Variants in PHLDB2 observed in about 807,000 individuals in gnomAD.
PHLDB2 encodes pleckstrin homology-like domain family B member 2.
PHLDB2 carries 71 observed loss-of-function variants against 123.6 expected under a neutral mutation model. That is an observed-to-expected ratio of 0.57 (90% CI 0.47 to 0.70). The LOEUF is 0.70. Among genes scored for constraint, PHLDB2 ranks in the 30% least tolerant of loss-of-function variants. The pLI is 0.00. For missense variants in PHLDB2, 1,446 were observed against 1,519.5 expected, an observed-to-expected ratio of 0.95 and a Z score of 0.80; for synonymous variants, 547 against 541.6, an observed-to-expected ratio of 1.01 and a Z score of -0.14.
chr3:111,759,911 A>T (rs1031137205), intron 1 of PHLDB2, among the ~76,000 whole-genome samples: 1 of 152,252 alleles, frequency 6.6e-6, no homozygotes, highest in Non-Finnish European at 1.5e-5. Context: ...TAATAGCAAC[A>T]ATATGCAGTT....
At chr3:111,742,756 T>C (rs2059625216) in intron 1 of PHLDB2, among the ~76,000 whole-genome samples, 2 of 152,344 alleles carry the variant, frequency 1.3e-5, no homozygotes, top group Admixed American at 6.5e-5. Context: ...TTGTGAGTAG[T>C]GCTGCAATAA....
intron 2 of PHLDB2, among the ~76,000 whole-genome samples, chr3:111,902,697 G>C (rs944352910): frequency 1.3e-5 from 2 of 152,022 alleles, no homozygotes; most frequent in African/African-American, 4.8e-5. Context: ...GGAGTGCAGT[G>C]GTGTGGTCAC....
At chr3:111,935,661 T>A (rs2069444518) in intron 6 of PHLDB2, among the ~76,000 whole-genome samples, 1 of 152,144 alleles carries the variant, frequency 6.6e-6, no homozygotes, top group African/African-American at 2.4e-5. Flanking sequence ...TGGAGTCCAG[T>A]GTTCAAGGGC....
At chr3:111,948,000 T>C (rs1482587740) in intron 9 of PHLDB2, among the ~76,000 whole-genome samples, 1 of 152,066 alleles carries the variant, frequency 6.6e-6, no homozygotes, top group Non-Finnish European at 1.5e-5. Context: ...TTTATTGGGG[T>C]GGTGAAAATC....
chr3:111,920,819 G>T (rs10934124), intron 5 of PHLDB2, among the ~76,000 whole-genome samples: 55,863 of 152,062 alleles, frequency 0.37, 10,746 homozygotes, highest in East Asian at 0.71. Flanking sequence ...TTCAAATAGG[G>T]TTGCCTCATT....
intron 9 of PHLDB2, among the ~76,000 whole-genome samples, chr3:111,947,141 T>C (rs989122724): frequency 1.3e-5 from 2 of 152,252 alleles, no homozygotes; most frequent in Non-Finnish European, 2.9e-5. Flanking sequence ...TGGAGTTGAC[T>C]CTGGACATAC....
At chr3:111,875,838 A>G (rs1465374049) in intron 1 of PHLDB2, among the ~76,000 whole-genome samples, 5 of 150,482 alleles carry the variant, frequency 3.3e-5, no homozygotes, top group Non-Finnish European at 5.9e-5. Flanking sequence ...AAAAAAAAAG[A>G]AAGAAAATGT....
At chr3:111,915,992 A>T (rs773246025) in intron 3 of PHLDB2, 1 of 152,182 alleles carries the variant, frequency 6.6e-6, no homozygotes, top group Non-Finnish European at 1.5e-5. Context: ...ATCTTTTCAC[A>T]TATCTTCCTT....
intron 8 of PHLDB2, among the ~76,000 whole-genome samples, chr3:111,940,996 G>A (rs944595455): frequency 3.3e-5 from 5 of 152,186 alleles, no homozygotes; most frequent in African/African-American, 9.7e-5. Flanking sequence ...GTGGACTTAA[G>A]GAAAAATGTC....
intron 1 of PHLDB2, chr3:111,732,750 T>A: frequency 4.7e-6 from 7 of 1,474,564 alleles, no homozygotes; most frequent in Middle Eastern, 1.7e-4. Flanking sequence ...AATAACAAAA[T>A]GAGCAGCATA....
At chr3:111,867,797 GT>G (rs2065156163) in intron 1 of PHLDB2, among the ~76,000 whole-genome samples, 1 of 151,952 alleles carries the variant, frequency 6.6e-6, no homozygotes, top group South Asian at 2.1e-4. Context: ...GGTTTCCTGG[GT>G]TCAACTGATC....
intron 1 of PHLDB2, among the ~76,000 whole-genome samples, chr3:111,787,311 G>A (rs1465877571): frequency 6.6e-6 from 1 of 152,212 alleles, no homozygotes; most frequent in Non-Finnish European, 1.5e-5. Context: ...CCATTTGGGA[G>A]TATTTACTGT....
intron 1 of PHLDB2, among the ~76,000 whole-genome samples, chr3:111,768,769 T>TG (rs2060125350): frequency 6.6e-6 from 1 of 152,170 alleles, no homozygotes; most frequent in Admixed American, 6.5e-5. Flanking sequence ...CCCACGTACT[T>TG]GGAGTTTGCT....
chr3:111,957,819 G>A (rs1448428711), intron 12 of PHLDB2, among the ~76,000 whole-genome samples: 2 of 152,168 alleles, frequency 1.3e-5, no homozygotes, highest in Non-Finnish European at 2.9e-5. Context: ...TAGACGATGT[G>A]TTATAAAACT....
intron 5 of PHLDB2, among the ~76,000 whole-genome samples, chr3:111,921,049 A>G (rs778265320): frequency 6.6e-6 from 1 of 152,204 alleles, no homozygotes; most frequent in African/African-American, 2.4e-5. Flanking sequence ...GGTTCTGTGT[A>G]TACATTTTGG....
intron 1 of PHLDB2, among the ~76,000 whole-genome samples, chr3:111,823,022 T>G (rs2062481014): frequency 6.6e-6 from 1 of 152,248 alleles, no homozygotes; most frequent in Non-Finnish European, 1.5e-5. Flanking sequence ...AGTGATGATG[T>G]CTGTATCACA....
At chr3:111,829,927 AAC>A (rs72357648) in intron 1 of PHLDB2, among the ~76,000 whole-genome samples, 13,813 of 135,734 alleles carry the variant, frequency 0.1, 662 homozygotes, top group Non-Finnish European at 0.13. Flanking sequence ...AACTATTCAA[AAC>A]ACACACACAC....
In PHLDB2 at chr3:111,927,859, T is replaced by C. The variant is rs759076927; in HGVS notation, c.2002-4410T>C. On this transcript the variant is annotated intron_variant, in intron 5 of 17. Coordinates refer to ENST00000431670, the MANE Select transcript of PHLDB2 (RefSeq NM_001134438.2). ...GTATCCTAGAATATTCTGTGTAGTA[T>C]TGAAACTCCAGAGAGTTAGCAAATT... Among the ~76,000 whole-genome samples, 8 of 152,354 alleles carry C rather than the reference T, an allele frequency of 5.3e-5. No homozygotes were observed. The South Asian group carries it at 1.5e-3, about 28-fold the overall frequency.
At chr3:111,861,205 T>A (rs1385789418) in intron 1 of PHLDB2, among the ~76,000 whole-genome samples, 1 of 152,220 alleles carries the variant, frequency 6.6e-6, no homozygotes, top group Non-Finnish European at 1.5e-5. Context: ...TCTCTTGCCG[T>A]TGCCTTCAAT....
Sources: gnomAD v4.1 joint callset for allele counts (sites outside exome capture counted in the v4.1 genomes callset) on GRCh38, gnomAD v4.1.1 for gene constraint, MANE v1.5 for transcripts, NCBI Gene and HGNC (gene_info 2026-07-23, HGNC 2026-07-21) for gene names.